Variants in MYH1 observed in about 807,000 individuals in gnomAD.
MYH1 encodes the protein myosin heavy chain 1.
Under a neutral mutation model 225.6 loss-of-function variants are expected in MYH1, and 214 were observed. That is an observed-to-expected ratio of 0.95 (90% CI 0.85 to 1.06). MYH1 has a LOEUF of 1.06. MYH1 is among the 50% of genes least tolerant of loss of function. The probability of loss-of-function intolerance (pLI) is 0.00; values close to 1 mark genes in which losing one functional copy is unlikely to be tolerated. For synonymous variants in MYH1, 774 were observed against 842.3 expected, an observed-to-expected ratio of 0.92 and a Z score of 1.40; for missense variants, 2,098 against 2,344.2, an observed-to-expected ratio of 0.89 and a Z score of 2.17.
At position 10,492,549 on chromosome 17, in the gene MYH1, T is replaced by C. The variant is rs1309290286; in HGVS notation, c.5687A>G (p.Asn1896Ser). The C allele has an allele frequency of 3.7e-6, 6 of 1,613,408 alleles. 1 individual carries two copies. The highest frequency in any genetic ancestry group is 3.3e-5 in the South Asian group (3 of 90,900). Residue 1896 changes from asparagine (N) to serine (S), a missense_variant, in exon 40 of 40, where the codon AAC becomes AGC. By Grantham distance (46) the Asn-to-Ser change is conservative (BLOSUM62 1). Transcript: ENST00000226207. Reference protein sequence around the residue: ...AEEAEEQSNVNLSKFRRIQHE... With the variant: ...AEEAEEQSNVSLSKFRRIQHE... ...CTGGATCCTGCGGAATTTGGAGAGG[T>C]TGACGTTGGATTGTTCCTCCTGTGA... is the stretch of plus-strand genomic sequence containing the variant.
At chr17:10,515,817 C>T in intron 5 of MYH1, 109 bp downstream of exon 5, 1 of 1,566,322 alleles carries the variant, frequency 6.4e-7, no homozygotes, top group Non-Finnish European at 8.7e-7. Context: ...CTCTGCTGAA[C>T]AACCAGGGGC....
Position 10,498,613 on chromosome 17 carries a change from G to A in MYH1, c.4181+13C>T. 6.2e-7 allele frequency: 1 copy of A among 1,613,846 alleles called. No homozygotes were observed. Among genetic ancestry groups the A allele is most frequent in the Non-Finnish European group, 8.5e-7 (1 of 1,179,784 alleles). ...AAACTTATAGTTCCATTTTAACTAA[G>A]TCTGGAACATACTTGGCCTCCTCCA... On this transcript the variant is annotated intron_variant, in intron 30 of 39. Coordinates refer to ENST00000226207, the MANE Select transcript of MYH1 (RefSeq NM_005963.4).
rs2073006101 is a variant in MYH1, at chr17:10,497,272, G to C, written c.4531+15C>G. The C allele has an allele frequency of 6.3e-7, 1 of 1,594,156 alleles. No homozygotes were observed. The highest frequency in any genetic ancestry group is 1.8e-5 in the Admixed American group (1 of 54,778). ...CAAATCTTTTATTGTTAAAGAAAAG[G>C]TAAAATGTTCTCACGTTGCAAATTC... On this transcript the variant is annotated intron_variant, in intron 32 of 39. Transcript: ENST00000226207.
At chr17:10,513,800 T>C (rs979716283) in intron 8 of MYH1, 21 bp downstream of exon 8, 1 of 1,614,034 alleles carries the variant, frequency 6.2e-7, no homozygotes, top group Non-Finnish European at 8.5e-7. Flanking sequence ...GAGAAGACCC[T>C]TTGGCAACCA....
chr17:10,508,657 A>G lies in MYH1; in HGVS notation c.1603T>C (p.Ser535Pro). The G allele has an allele frequency of 6.2e-7, 1 of 1,614,122 alleles. No homozygotes were observed. Among genetic ancestry groups the G allele is most frequent in the Non-Finnish European group, 8.5e-7 (1 of 1,179,972 alleles). ...ELIEKPMGIF[S>P]ILEEECMFPK... ...AACATGCACTCCTCTTCCAGGATGGAGAAGATGCCCATAGGCTGGAAGAAT... is the reference window on the plus strand; with the variant it reads ...AACATGCACTCCTCTTCCAGGATGGGGAAGATGCCCATAGGCTGGAAGAAT... Residue 535 changes from serine (S) to proline (P), a missense_variant, in exon 16 of 40, where the codon TCC becomes CCC. Physicochemically the swap from Ser to Pro is moderately conservative, Grantham distance 74. Transcript: ENST00000226207.
chr17:10,497,481 T>A (rs1190066378), intron 31 of MYH1, 29 bp from the exon 32 acceptor site: 1 of 1,586,984 alleles, frequency 6.3e-7, no homozygotes, highest in Non-Finnish European at 8.5e-7. Context: ...ACAAGAAATT[T>A]AGTGGACAAA....
intron 39 of MYH1, 43 bp downstream of exon 39, chr17:10,494,311 G>A: frequency 1.3e-6 from 2 of 1,550,874 alleles, no homozygotes; most frequent in Non-Finnish European, 1.8e-6. Context: ...AAACTGGCCT[G>A]GTCATGTCTG....
chr17:10,508,757 A>G, intron 15 of MYH1, 85 bp from the exon 16 acceptor site: 2 of 1,510,684 alleles, frequency 1.3e-6, no homozygotes, highest in Non-Finnish European at 1.8e-6. Context: ...ATCCCATCTG[A>G]GTAAATTCAT....
Position 10,497,775 on chromosome 17 carries a change from C to T in MYH1, c.4324G>A (p.Ala1442Thr). 3.7e-6 allele frequency: 6 copies of T among 1,614,100 alleles called. No individual in the cohort carries two copies. The highest frequency in any genetic ancestry group is 5.1e-6 in the Non-Finnish European group (6 of 1,180,012). ...LMIDVERTNA[A>T]CAALDKKQRN... ...TGCTTTTTGTCCAGGGCGGCACAGG[C>T]AGCATTTGTCCTCTCAACATCAATC... The change falls in exon 31 of 40, where the codon GCC (alanine) becomes ACC (threonine). Residue 1442 changes from alanine to threonine, a missense_variant. Coordinates refer to ENST00000226207, the MANE Select transcript of MYH1 (RefSeq NM_005963.4).
At position 10,508,649 on chromosome 17, in the gene MYH1, C is replaced by G. The variant is rs764317173; in HGVS notation, c.1611G>C (p.Leu537=). 4.3e-6 allele frequency: 7 copies of G among 1,613,974 alleles called. No homozygotes were observed. The highest frequency in any genetic ancestry group is 1.3e-5 in the African/African-American group (1 of 74,898). Residue 537 remains leucine (L), a synonymous_variant, in exon 16 of 40, where the codon CTG becomes CTC. Coordinates refer to ENST00000226207, the MANE Select transcript of MYH1 (RefSeq NM_005963.4). ...IEKPMGIFSI[L]EEECMFPKAT... is the part of the protein sequence containing the mutation. ...CCTTGGGGAACATGCACTCCTCTTC[C>G]AGGATGGAGAAGATGCCCATAGGCT...
Position 10,497,718 on chromosome 17 carries a change from A to C in MYH1, c.4365+16T>G. 1 of 1,612,534 alleles carries C rather than the reference A, an allele frequency of 6.2e-7. No individual in the cohort carries two copies. The highest frequency in any genetic ancestry group is 8.5e-7 in the Non-Finnish European group (1 of 1,179,714). ...AATTCTGTGTTGAAAGTTGAAGCAA[A>C]AACTGGAGAGAATACCTTATCAAAG... On this transcript the variant is annotated intron_variant, in intron 31 of 39. Transcript: ENST00000226207.
chr17:10,502,089 G>GT (rs1383790560), intron 24 of MYH1, among the ~76,000 whole-genome samples, 178 bp from the exon 25 acceptor site: 2 of 152,194 alleles, frequency 1.3e-5, no homozygotes, highest in Admixed American at 1.3e-4. Flanking sequence ...CGTTTAAAAG[G>GT]TAAAATGTGC....
At chr17:10,505,594 A>T in intron 19 of MYH1, 83 bp from the exon 20 acceptor site, 1 of 1,516,976 alleles carries the variant, frequency 6.6e-7, no homozygotes, top group Non-Finnish European at 8.9e-7. Context: ...CAACATAGCC[A>T]CTGGGTAATC....
Position 10,516,100 on chromosome 17 carries a change from G to T in MYH1, c.349-18C>A. ...GAGTAGGTCTGCACCCAAAACAAAA[G>T]GGAGGAACAGAATTATTTGATGGGG... is the stretch of plus-strand genomic sequence containing the variant. On this transcript the variant is annotated intron_variant, in intron 4 of 39. Coordinates refer to ENST00000226207, the MANE Select transcript of MYH1 (RefSeq NM_005963.4). The T allele has an allele frequency of 6.2e-7, 1 of 1,613,648 alleles. No individual in the cohort carries two copies. The highest frequency in any genetic ancestry group is 8.5e-7 in the Non-Finnish European group (1 of 1,179,720).
chr17:10,508,725 A>G (rs2073142188), intron 15 of MYH1, 53 bp from the exon 16 acceptor site: 8 of 1,581,666 alleles, frequency 5.1e-6, no homozygotes, highest in Non-Finnish European at 6.9e-6. Flanking sequence ...GCTTATAGAA[A>G]TAACATTTAA....
In MYH1 at chr17:10,495,310, C is replaced by T. The variant is rs138994893; in HGVS notation, c.5177G>A (p.Ser1726Asn). 7.2e-5 allele frequency: 116 copies of T among 1,613,942 alleles called. No homozygotes were observed. The highest frequency in any genetic ancestry group is 6.8e-6 in the Non-Finnish European group (8 of 1,180,020). ...CAGCTTCTTCTTGGTGTTGATCAGG[C>T]TGGTGTTCTGTTTAAAATGTGAAAT... is the stretch of plus-strand genomic sequence containing the variant. ...RVQLLHTQNT[S>N]LINTKKKLET... Residue 1726 changes from serine (S) to asparagine (N), a missense_variant, in exon 36 of 40, where the codon AGC becomes AAC. Coordinates refer to ENST00000226207, the MANE Select transcript of MYH1 (RefSeq NM_005963.4).
At chr17:10,500,809 T>C in intron 27 of MYH1, 57 bp from the exon 28 acceptor site, 1 of 1,609,008 alleles carries the variant, frequency 6.2e-7, no homozygotes. Context: ...CAAAGAAAGT[T>C]TCAGTAATCT....
At position 10,495,959 on chromosome 17, in the gene MYH1, C is replaced by T. The variant is rs757797487; in HGVS notation, c.5160G>A (p.Leu1720=). 1 of 1,614,012 alleles carries T rather than the reference C, an allele frequency of 6.2e-7. No individual in the cohort carries two copies. The highest frequency in any genetic ancestry group is 1.1e-5 in the South Asian group (1 of 91,074). ...LLDASERVQL[L]HTQNTSLINT... The stretch of plus-strand genomic sequence containing the variant: ...CTATTATTACATGCACCTGGGTGTG[C>T]AGGAGCTGAACACGCTCACTGGCAT... The change falls in exon 35 of 40, where the codon CTG becomes CTA. Residue 1720 remains leucine, a synonymous_variant. Coordinates refer to ENST00000226207, the MANE Select transcript of MYH1 (RefSeq NM_005963.4).
chr17:10,494,767 G>C (rs1188051985), intron 37 of MYH1, 94 bp from the exon 38 acceptor site: 1 of 1,584,300 alleles, frequency 6.3e-7, no homozygotes, highest in Non-Finnish European at 8.6e-7. Flanking sequence ...TTTATATGTA[G>C]TTTTTAATGC....
Sources: gnomAD v4.1 joint callset for allele counts (sites outside exome capture counted in the v4.1 genomes callset) on GRCh38, gnomAD v4.1.1 for gene constraint, MANE v1.5 for transcripts, NCBI Gene and HGNC (gene_info 2026-07-23, HGNC 2026-07-21) for gene names.